POLRMT: variants seen among roughly 807,000 people sequenced by gnomAD.
POLRMT encodes the protein RNA polymerase mitochondrial.
In POLRMT, 114 loss-of-function variants were observed where a neutral mutation model predicts 132.2. The ratio of observed to expected loss-of-function variants is 0.86; its 90% CI spans 0.74 to 1.01. The LOEUF (loss-of-function observed/expected upper bound fraction) is 1.01. POLRMT is among the 50% of genes least tolerant of loss of function. POLRMT has a pLI of 0.00. For synonymous variants in POLRMT, 1,020 were observed against 773.4 expected (o/e 1.32, Z -5.29); for missense variants, 2,003 against 1,729.1 (o/e 1.16, Z -2.81).
At chr19:625,048 G>C (rs894542003) in intron 4 of POLRMT, 76 bp downstream of exon 4, 200 of 1,537,414 alleles carry the variant, frequency 1.3e-4, no homozygotes, top group South Asian at 8.2e-4. Context: ...CCAGCCCCCA[G>C]CCCAGGCACC....
chr19:620,106 A>T (rs567310038), intron 11 of POLRMT, 26 bp from the exon 12 acceptor site: 24 of 1,534,958 alleles, frequency 1.6e-5, no homozygotes, highest in Non-Finnish European at 2.1e-5. Flanking sequence ...CAAACGGGAG[A>T]TGGAAGCTAG....
In POLRMT at chr19:619,192, G is replaced by A. The variant is rs1157712126; in HGVS notation, c.3153+18C>T. The A allele has an allele frequency of 1.2e-6, 2 of 1,610,650 alleles. No homozygotes were observed. The highest frequency in any genetic ancestry group is 2.7e-5 in the African/African-American group (2 of 74,534). On this transcript the variant is annotated intron_variant, in intron 14 of 20. Transcript: ENST00000588649. Reference sequence around the variant, plus strand: ...TGCTTAGGGAGTCCTGGCCGAGCGGGGACAGGACAGGACGTACCTGGATGG... The same window carrying A: ...TGCTTAGGGAGTCCTGGCCGAGCGGAGACAGGACAGGACGTACCTGGATGG...
chr19:628,484 G>A (rs1300926390), intron 3 of POLRMT, among the ~76,000 whole-genome samples: 1 of 152,228 alleles, frequency 6.6e-6, no homozygotes, highest in East Asian at 1.9e-4. Flanking sequence ...GCTGTTTGAT[G>A]CGTTAATAAA....
At chr19:627,083 A>C (rs892543120) in intron 3 of POLRMT, among the ~76,000 whole-genome samples, 12 of 151,614 alleles carry the variant, frequency 7.9e-5, no homozygotes, top group Non-Finnish European at 1.6e-4. Context: ...ATAGTCCTGC[A>C]GCTGAAGACA....
chr19:629,054 T>C (rs1295405738), intron 3 of POLRMT, among the ~76,000 whole-genome samples: 1 of 151,660 alleles, frequency 6.6e-6, no homozygotes, highest in Non-Finnish European at 1.5e-5. Flanking sequence ...AATTGGAAAA[T>C]ACTCCAGATG....
chr19:631,853 T>A (rs1227630187), intron 2 of POLRMT, among the ~76,000 whole-genome samples: 2 of 152,122 alleles, frequency 1.3e-5, no homozygotes, highest in African/African-American at 4.8e-5. Context: ...GCGATTCTCC[T>A]GTCTCAGTCT....
At position 617,592 on chromosome 19, in the gene POLRMT, G is replaced by A. The variant is rs942642442; in HGVS notation, c.3559C>T (p.Leu1187=). 2 of 1,612,304 alleles carry A rather than the reference G, an allele frequency of 1.2e-6. No individual in the cohort carries two copies. Among genetic ancestry groups the A allele is most frequent in the Non-Finnish European group, 1.7e-6 (2 of 1,179,990 alleles). Residue 1187 remains leucine, a synonymous_variant, in exon 19 of 21, where the codon CTG becomes TTG. Transcript: ENST00000588649. The part of the protein sequence containing the change: ...EPILQDLSRF[L]VKRFCSEPQK... ...TACTCAGAGCAGAACCGCTTGACCA[G>A]GAATCTGGACAGGTCCTGCAGGATG...
rs1984096374 is a variant in POLRMT at position 617,635 on chromosome 19, G to C, written c.3516C>G (p.Val1172=). Residue 1172 remains valine (V), a synonymous_variant, in exon 19 of 21, where the codon GTC becomes GTG. Coordinates refer to ENST00000588649, the MANE Select transcript of POLRMT (RefSeq NM_005035.4). The stretch of plus-strand genomic sequence containing the variant: ...GCAGGATGGGCTCGCTGTGCAAGCG[G>C]ACAAACTGCTCCCGGCACACCTGGG... ...VMNQVCREQF[V]RLHSEPILQD... The C allele has an allele frequency of 6.2e-7, 1 of 1,612,472 alleles. No homozygotes were observed. Among genetic ancestry groups the C allele is most frequent in the African/African-American group, 1.3e-5 (1 of 75,006 alleles).
Position 622,582 on chromosome 19 carries a change from C to T in POLRMT, c.1626G>A (p.Glu542=). The part of the protein sequence containing the change: ...KYLCLLASDA[E]VPEPCLPRQY... The stretch of plus-strand genomic sequence containing the variant: ...GGAGGAGAGGGGGTGCGAGCCTCAC[C>T]TCGGCGTCGGAGGCCAGCAAGCAGA... The change falls in exon 8 of 21, where the codon GAG becomes GAA. Residue 542 remains glutamate, a splice_region_variant and synonymous_variant. Transcript: ENST00000588649. The T allele has an allele frequency of 2.5e-6, 4 of 1,598,096 alleles. No individual in the cohort carries two copies. Among genetic ancestry groups the T allele is most frequent in the Non-Finnish European group, 3.4e-6 (4 of 1,172,230 alleles).
chr19:619,174 G>A (rs576983155), intron 14 of POLRMT, 36 bp downstream of exon 14: 80 of 1,610,516 alleles, frequency 5.0e-5, no homozygotes, highest in Middle Eastern at 1.7e-4. Context: ...ACTTGCTTAG[G>A]GAGTCCTGGC....
chr19:618,569 T>C lies in POLRMT; in HGVS notation c.3341A>G (p.Lys1114Arg). 6.2e-7 allele frequency: 1 copy of C among 1,613,136 alleles called. No homozygotes were observed. Among genetic ancestry groups the C allele is most frequent in the Non-Finnish European group, 8.5e-7 (1 of 1,179,368 alleles). Residue 1114 changes from lysine to arginine, a missense_variant, in exon 17 of 21, where the codon AAG (lysine) becomes AGG (arginine). Coordinates refer to ENST00000588649, the MANE Select transcript of POLRMT (RefSeq NM_005035.4). ...GTTGGGCGGGAAGCCGTTCTTCTGC[T>C]TACGTGTGTTGGGCTTTCTGAGGAC... ...GDISRKPNTRKQKNGFPPNFI... is the reference protein window; with the variant it reads ...GDISRKPNTRRQKNGFPPNFI...
rs780103576 is a variant in POLRMT, at chr19:622,646, C to G, written c.1562G>C (p.Gly521Ala). The G allele has an allele frequency of 8.1e-6, 13 of 1,607,124 alleles. No homozygotes were observed. The African/African-American group carries it at 1.5e-4, about 18-fold the overall frequency. Reference sequence around the variant, plus strand: ...GTGGTTCTGCAGCGCCTGCACCTGGCCACTGACCCGCTGCCTCTGCACCAC... The same window carrying G: ...GTGGTTCTGCAGCGCCTGCACCTGGGCACTGACCCGCTGCCTCTGCACCAC... ...RHVVQRQRVS[G>A]QVQALQNHYR... The change falls in exon 8 of 21, where the codon GGC (glycine) becomes GCC (alanine). Residue 521 changes from glycine (G) to alanine (A), a missense_variant. Transcript: ENST00000588649.
Position 621,854 on chromosome 19 carries a change from G to C in POLRMT, c.1852-8C>G. On this transcript the variant is annotated splice_polypyrimidine_tract_variant and splice_region_variant and intron_variant, in intron 9 of 20. Coordinates refer to ENST00000588649, the MANE Select transcript of POLRMT (RefSeq NM_005035.4). ...CGGCTTCAGGATGCCGATCTGGGGT[G>C]CGACAGGCAGACGGGTCAGGGCCCC... 1 of 1,601,144 alleles carries C rather than the reference G, an allele frequency of 6.2e-7. No homozygotes were observed. The highest frequency in any genetic ancestry group is 1.7e-5 in the Admixed American group (1 of 59,980).
rs56225097 is a variant in POLRMT, at chr19:633,335, G to A, written c.88+90C>T. The A allele has an allele frequency of 1.9e-3, 2,564 of 1,355,320 alleles. 31 individuals carry two copies. In the African/African-American group the frequency reaches 0.035, roughly 19 times the overall value. The allele number at this position is 1,355,320 out of a possible 1,614,324, so 84.0% of individuals were successfully genotyped here. On this transcript the variant is annotated intron_variant, in intron 1 of 20. Coordinates refer to ENST00000588649, the MANE Select transcript of POLRMT (RefSeq NM_005035.4). ...GCTGCGCACGCCCAGGTGCAAAGAG[G>A]CAAAGGTCAAAGCGCCAAAGGCCCC... is the stretch of plus-strand genomic sequence containing the variant.
At chr19:618,231 G>A (rs143553393) in intron 17 of POLRMT, 48 of 550,232 alleles carry the variant, frequency 8.7e-5, no homozygotes, top group South Asian at 4.0e-4. Flanking sequence ...CACACATCGC[G>A]GTGCCAAGAA....
rs376507364 is a variant in POLRMT, at chr19:620,374, G to T, written c.2754C>A (p.Pro918=). 6.3e-7 allele frequency: 1 copy of T among 1,577,142 alleles called. No homozygotes were observed. Among genetic ancestry groups the T allele is most frequent in the South Asian group, 1.2e-5 (1 of 86,334 alleles). ...GACCCAGCTGGCTCACCTGATGGAC[G>T]GGGAGGTGGGAGACATAGGCGGCAG... ...SDPAAYVSHL[P]VHQDGSCNGL... The change falls in exon 11 of 21, where the codon CCC becomes CCA. Residue 918 remains proline, a synonymous_variant. Coordinates refer to ENST00000588649, the MANE Select transcript of POLRMT (RefSeq NM_005035.4).
rs761350559 is a variant in POLRMT at position 620,062 on chromosome 19, G to A, written c.2782C>T (p.Leu928=). The A allele has an allele frequency of 7.8e-6, 12 of 1,545,874 alleles. No homozygotes were observed. The highest frequency in any genetic ancestry group is 1.7e-4 in the Middle Eastern group (1 of 6,016). The change falls in exon 12 of 21, where the codon CTG becomes TTG. Residue 928 remains leucine, a synonymous_variant. Coordinates refer to ENST00000588649, the MANE Select transcript of POLRMT (RefSeq NM_005035.4). ...PVHQDGSCNG[L]QHYAALGRDS... is the part of the protein sequence containing the mutation. Reference sequence around the variant, plus strand: ...CGGCCCAGAGCAGCATAATGCTGCAGGCCGTTGCAAGAGCCGTCCTGAGGA... The same window carrying A: ...CGGCCCAGAGCAGCATAATGCTGCAAGCCGTTGCAAGAGCCGTCCTGAGGA...
intron 4 of POLRMT, 27 bp downstream of exon 4, chr19:625,097 G>A (rs1392922695): frequency 6.2e-7 from 1 of 1,604,392 alleles, no homozygotes; most frequent in Non-Finnish European, 8.5e-7. Context: ...CATGGTGGGG[G>A]GTGGGGGCCC....
At chr19:617,351 G>A (rs1984049004) in intron 20 of POLRMT, 28 bp from the exon 21 acceptor site, 1 of 1,612,636 alleles carries the variant, frequency 6.2e-7, no homozygotes, top group Non-Finnish European at 8.5e-7. Flanking sequence ...CGGACGGCGT[G>A]GGTGGCGGGA....
Sources: allele counts gnomAD v4.1 joint callset (sites outside exome capture counted in the v4.1 genomes callset), GRCh38; gene constraint gnomAD v4.1.1; transcripts MANE v1.5; gene names NCBI Gene and HGNC (gene_info 2026-07-23, HGNC 2026-07-21).